NPIPB2: variants seen among roughly 807,000 people sequenced by gnomAD.
The protein encoded by NPIPB2 is nuclear pore complex interacting protein family member B2.
NPIPB2 carries 27 observed loss-of-function variants against 30.8 expected under a neutral mutation model. The ratio of observed to expected loss-of-function variants is 0.88; its 90% CI spans 0.65 to 1.21. The LOEUF (loss-of-function observed/expected upper bound fraction) is 1.21. Among genes scored for constraint, NPIPB2 ranks in the 50% most tolerant of loss-of-function variants. The pLI is 0.00. For missense variants in NPIPB2, 440 were observed against 446.2 expected (o/e 0.99, Z 0.13); for synonymous variants, 147 against 162.0 (o/e 0.91, Z 0.70).
chr16:11,945,247 AGT>A (rs977998715), upstream of NPIPB2, among the ~76,000 whole-genome samples: 37 of 152,100 alleles, frequency 2.4e-4, no homozygotes, highest in African/African-American at 8.9e-4. Context: ...CCAATGAGAT[AGT>A]GTGTGCTTAT....
intron 1 of NPIPB2, among the ~76,000 whole-genome samples, chr16:11,966,859 C>G (rs1415759281): frequency 9.2e-5 from 14 of 152,026 alleles, no homozygotes; most frequent in Admixed American, 9.2e-4. Context: ...AATAGAGAAC[C>G]AGTCCCAGAA....
intron 1 of NPIPB2, among the ~76,000 whole-genome samples, chr16:11,960,231 T>A (rs2055143580): frequency 6.6e-6 from 1 of 152,206 alleles, no homozygotes; most frequent in Admixed American, 6.6e-5. Context: ...CACAGTAAAC[T>A]ACATTGTACC....
intron 1 of NPIPB2, among the ~76,000 whole-genome samples, chr16:11,950,733 C>G (rs1015851899): frequency 6.6e-6 from 1 of 152,132 alleles, no homozygotes; most frequent in Non-Finnish European, 1.5e-5. Flanking sequence ...TTCCTTCTCC[C>G]TTCCAGCCCA....
At chr16:11,962,624 A>C (rs6498258) in intron 1 of NPIPB2, among the ~76,000 whole-genome samples, 16,940 of 149,312 alleles carry the variant, frequency 0.11, 1,765 homozygotes, top group African/African-American at 0.21. Context: ...AAAAAAAAAA[A>C]AAAAACCAAA....
intron 1 of NPIPB2, among the ~76,000 whole-genome samples, chr16:11,964,685 G>A (rs1229144975): frequency 6.6e-6 from 1 of 152,184 alleles, no homozygotes; most frequent in Non-Finnish European, 1.5e-5. Context: ...AAAGTGCTGG[G>A]ATTACAGGAG....
intron 1 of NPIPB2, among the ~76,000 whole-genome samples, chr16:11,959,280 T>G (rs192769193): frequency 8.9e-4 from 135 of 152,104 alleles, no homozygotes; most frequent in African/African-American, 3.1e-3. Flanking sequence ...AAAAAATCTT[T>G]GTTTCAAAAT....
intron 1 of NPIPB2, among the ~76,000 whole-genome samples, chr16:11,969,305 G>A (rs984860792): frequency 4.6e-5 from 7 of 151,774 alleles, no homozygotes; most frequent in East Asian, 3.9e-4. Flanking sequence ...TCGTTGACAC[G>A]GGAGTGCAGT....
intron 4 of NPIPB2, among the ~76,000 whole-genome samples, chr16:11,933,115 G>T (rs979392775): frequency 1.3e-5 from 2 of 151,904 alleles, no homozygotes; most frequent in Non-Finnish European, 2.9e-5. Context: ...ACAAAAATTA[G>T]CTGGGCGTGG....
At chr16:11,941,548 G>A (rs1161615141) in intron 1 of NPIPB2, among the ~76,000 whole-genome samples, 5 of 151,878 alleles carry the variant, frequency 3.3e-5, no homozygotes, top group Admixed American at 3.3e-4. Flanking sequence ...GAGAAGATCA[G>A]GGAAGCAACA....
chr16:11,976,580 G>A (rs538081852), exon 1 of NPIPB2: 5 of 361,286 alleles, frequency 1.4e-5, no homozygotes, highest in African/African-American at 1.1e-4. Flanking sequence ...TGAGTCTCCA[G>A]CCCGCGTAGC....
At chr16:11,946,541 C>G (rs1170180752), upstream of NPIPB2, among the ~76,000 whole-genome samples, 1 of 151,982 alleles carries the variant, frequency 6.6e-6, no homozygotes, top group East Asian at 1.9e-4. Flanking sequence ...CCACTGTACT[C>G]CAGCCTGGGC....
At chr16:11,967,497 G>C (rs2055204325) in intron 1 of NPIPB2, 1 of 1,451,340 alleles carries the variant, frequency 6.9e-7, no homozygotes, top group African/African-American at 1.4e-5. Flanking sequence ...GAGTCCCGAT[G>C]TGTACTGCTA....
chr16:11,952,568 T>C (rs1456348508), intron 1 of NPIPB2, among the ~76,000 whole-genome samples: 6 of 98,442 alleles, frequency 6.1e-5, no homozygotes, highest in South Asian at 2.4e-4. Context: ...TCTTTCTCTT[T>C]TTTTTTTTTT....
At chr16:11,958,996 C>T (rs1401179815) in intron 1 of NPIPB2, among the ~76,000 whole-genome samples, 2 of 152,186 alleles carry the variant, frequency 1.3e-5, no homozygotes, top group Middle Eastern at 3.4e-3. Context: ...AGGGGGAGCT[C>T]GTAGAGGGGT....
rs1426541005 is a variant in NPIPB2, at chr16:11,930,540, A to C, written c.500T>G (p.Val167Gly). The C allele has an allele frequency of 6.9e-6, 11 of 1,583,894 alleles. 1 individual carries two copies. In the African/African-American group the frequency reaches 1.2e-4, roughly 18 times the overall value. Reference sequence around the variant, plus strand: ...CTTTTCTGCATGCTCACATTCTTTCACGCTTAGTTTCCTCAGATTAGAAGG... The same window carrying C: ...CTTTTCTGCATGCTCACATTCTTTCCCGCTTAGTTTCCTCAGATTAGAAGG... Residue 167 changes from valine to glycine, a missense_variant, in exon 5 of 8, where the codon GTG becomes GGG. Transcript: ENST00000399147.
At chr16:11,975,869 C>T (rs2055286319) in intron 1 of NPIPB2, among the ~76,000 whole-genome samples, 2 of 151,952 alleles carry the variant, frequency 1.3e-5, no homozygotes, top group Admixed American at 6.6e-5. Context: ...CTTGGGATTA[C>T]AGGCATGAGT....
chr16:11,957,399 G>C (rs542097332), intron 1 of NPIPB2, among the ~76,000 whole-genome samples: 2 of 151,950 alleles, frequency 1.3e-5, no homozygotes, highest in African/African-American at 2.4e-5. Context: ...TCCTGACCTC[G>C]TGACCCACCT....
chr16:11,975,148 T>C (rs1019381808), intron 1 of NPIPB2, among the ~76,000 whole-genome samples: 4 of 62,152 alleles, frequency 6.4e-5, no homozygotes, highest in South Asian at 6.9e-4. Flanking sequence ...CACCTTTTTT[T>C]TTTTTTTTTT....
chr16:11,952,144 C>T (rs1160665484), intron 1 of NPIPB2, among the ~76,000 whole-genome samples: 1 of 128,622 alleles, frequency 7.8e-6, no homozygotes, highest in African/African-American at 2.9e-5. Context: ...CAGAGTGAGA[C>T]TCTGCCTCAA....
Sources: gnomAD v4.1 joint callset for allele counts (sites outside exome capture counted in the v4.1 genomes callset) on GRCh38, gnomAD v4.1.1 for gene constraint, MANE v1.5 for transcripts, NCBI Gene and HGNC (gene_info 2026-07-23, HGNC 2026-07-21) for gene names.